The following LINGO1 variants were observed in gnomAD, a reference collection of about 807,000 sequenced individuals.
LINGO1 encodes the protein leucine-rich repeat and immunoglobulin-like domain-containing nogo receptor-interacting protein 1.
LINGO1 carries 11 observed loss-of-function variants against 37.3 expected under a neutral mutation model. The ratio of observed to expected loss-of-function variants is 0.29; its 90% CI spans 0.19 to 0.49. The LOEUF (loss-of-function observed/expected upper bound fraction) is 0.49. Among genes scored for constraint, LINGO1 ranks in the 20% least tolerant of loss-of-function variants. The pLI is 0.99. For synonymous variants in LINGO1, 387 were observed against 403.0 expected (o/e 0.96, Z 0.48); for missense variants, 585 against 878.2 (o/e 0.67, Z 4.22).
intron 3 of LINGO1, among the ~76,000 whole-genome samples, chr15:77,675,696 G>C (rs1039739906): frequency 6.6e-6 from 1 of 152,032 alleles, no homozygotes; most frequent in Non-Finnish European, 1.5e-5. Flanking sequence ...ATGGATAGAC[G>C]GATGAATAGA....
intron 1 of LINGO1, among the ~76,000 whole-genome samples, chr15:77,627,581 G>A (rs1354826456): frequency 1.3e-5 from 2 of 152,204 alleles, no homozygotes; most frequent in East Asian, 3.9e-4. Context: ...CTCTTATTAA[G>A]TGCTCAGCAA....
chr15:77,736,409 G>A (rs1031762820), intron 1 of LINGO1, among the ~76,000 whole-genome samples: 1 of 152,082 alleles, frequency 6.6e-6, no homozygotes, highest in Non-Finnish European at 1.5e-5. Context: ...CTCTTAACTC[G>A]TCTGATCCTA....
Position 77,743,129 on chromosome 15 carries a change from G to A in LINGO1, c.-256-8076C>T, listed in dbSNP as rs2076281308. On this transcript the variant is annotated intron_variant, in intron 1 of 3. Coordinates refer to the LINGO1 transcript ENST00000561686. ...GAAGGAGAGCCCTCCTGGGCTCCAT[G>A]CTGCCTTGGCTCTCCGGACTACCCC... Among the ~76,000 whole-genome samples the A allele has an allele frequency of 2.0e-5, 3 of 152,124 alleles. No individual in the cohort carries two copies. The South Asian group carries it at 6.2e-4, about 31-fold the overall frequency.
Position 77,615,211 on chromosome 15 carries a change from G to C in LINGO1, c.696C>G (p.Asp232Glu). ...LRHLNINAIR[D>E]YSFKRLYRLK... ...GTCGGTACAGCCTCTTGAAGGAGTA[G>C]TCCCGGATGGCATTGATGTTGAGGT... The change falls in exon 2 of 2, where the codon GAC (aspartate) becomes GAG (glutamate). Residue 232 changes from aspartate (D) to glutamate (E), a missense_variant. Asp to Glu is a conservative substitution (Grantham distance 45). Transcript: ENST00000355300. 6.2e-7 allele frequency: 1 copy of C among 1,613,738 alleles called. No individual in the cohort carries two copies. Among genetic ancestry groups the C allele is most frequent in the Non-Finnish European group, 8.5e-7 (1 of 1,179,804 alleles).
At chr15:77,743,051 A>G (rs993816473) in intron 1 of LINGO1, among the ~76,000 whole-genome samples, 19 of 152,220 alleles carry the variant, frequency 1.2e-4, no homozygotes, top group African/African-American at 4.3e-4. Flanking sequence ...GAAATTGAGA[A>G]GAATCTGGTG....
chr15:77,663,292 G>T (rs1332031072), intron 3 of LINGO1, among the ~76,000 whole-genome samples: 1 of 94,274 alleles, frequency 1.1e-5, no homozygotes, highest in African/African-American at 4.1e-5. Flanking sequence ...GGTCGGGGGT[G>T]GGGAGGCTTC....
intron 1 of LINGO1, among the ~76,000 whole-genome samples, chr15:77,811,584 C>T (rs1310162521): frequency 6.6e-6 from 1 of 152,222 alleles, no homozygotes; most frequent in Non-Finnish European, 1.5e-5. Flanking sequence ...TGGCCGGGGC[C>T]TCAGGGCCTT....
chr15:77,802,481 C>A (rs2076928081), intron 1 of LINGO1, among the ~76,000 whole-genome samples: 1 of 151,960 alleles, frequency 6.6e-6, no homozygotes, highest in East Asian at 1.9e-4. Context: ...TGCAGAGGGG[C>A]CAGGAGCAGG....
intron 1 of LINGO1, among the ~76,000 whole-genome samples, chr15:77,624,855 G>T (rs1567463186): frequency 6.6e-6 from 1 of 152,146 alleles, no homozygotes; most frequent in Non-Finnish European, 1.5e-5. Context: ...GGTAACCTGA[G>T]AGAGGCCCAA....
At chr15:77,707,689 G>A (rs2075869275) in intron 2 of LINGO1, among the ~76,000 whole-genome samples, 1 of 152,224 alleles carries the variant, frequency 6.6e-6, no homozygotes, top group African/African-American at 2.4e-5. Flanking sequence ...CCACCCAGCT[G>A]TGACGTTCTG....
At chr15:77,720,753 G>C (rs1201690481) in intron 2 of LINGO1, 1 of 151,882 alleles carries the variant, frequency 6.6e-6, no homozygotes, top group African/African-American at 2.4e-5. Flanking sequence ...TCTCAGAGTG[G>C]AGACCAGGCA....
At chr15:77,802,490 G>T (rs1360779634) in intron 1 of LINGO1, among the ~76,000 whole-genome samples, 5 of 152,072 alleles carry the variant, frequency 3.3e-5, no homozygotes, top group African/African-American at 9.7e-5. Flanking sequence ...GCCAGGAGCA[G>T]GTGGCAAACT....
chr15:77,770,063 C>T lies in LINGO1; in HGVS notation c.-257+16806G>A, dbSNP rs1384078204. Among the ~76,000 whole-genome samples, 3 of 152,112 alleles carry T rather than the reference C, an allele frequency of 2.0e-5. No individual in the cohort carries two copies. The South Asian group carries it at 6.2e-4, about 32-fold the overall frequency. On this transcript the variant is annotated intron_variant, in intron 1 of 3. Coordinates refer to the LINGO1 transcript ENST00000561686. ...GATGGGGGTCCCTGGGATAGAAAGA[C>T]ATAACTTGGGGCCTGAGTCCCAGGA...
At chr15:77,724,947 G>A (rs1180799593) in intron 2 of LINGO1, among the ~76,000 whole-genome samples, 1 of 152,326 alleles carries the variant, frequency 6.6e-6, no homozygotes, top group Non-Finnish European at 1.5e-5. Flanking sequence ...CCCGGCCACC[G>A]CCCCACCCCA....
At chr15:77,633,262 C>G (rs545198373), upstream of LINGO1, among the ~76,000 whole-genome samples, 7 of 146,396 alleles carry the variant, frequency 4.8e-5, no homozygotes, top group African/African-American at 1.9e-4. Context: ...GGTGTATGCG[C>G]GCACACCGTT....
chr15:77,626,011 A>G (rs2074077863), intron 1 of LINGO1, among the ~76,000 whole-genome samples: 8 of 152,174 alleles, frequency 5.3e-5, no homozygotes. Context: ...TGATGAGGAA[A>G]CTGAGGCTCT....
At chr15:77,730,462 G>A (rs1324184406) in intron 2 of LINGO1, among the ~76,000 whole-genome samples, 2 of 152,180 alleles carry the variant, frequency 1.3e-5, no homozygotes, top group Non-Finnish European at 2.9e-5. Flanking sequence ...TACCCATCTT[G>A]CCTCAGGGGC....
intron 1 of LINGO1, among the ~76,000 whole-genome samples, chr15:77,804,071 G>T (rs2076940314): frequency 6.6e-6 from 1 of 152,110 alleles, no homozygotes; most frequent in Non-Finnish European, 1.5e-5. Context: ...CCTGGGGAAT[G>T]AGTAAAGCAG....
chr15:77,734,337 T>A (rs997895692), intron 2 of LINGO1, among the ~76,000 whole-genome samples: 32 of 152,076 alleles, frequency 2.1e-4, no homozygotes, highest in African/African-American at 5.5e-4. Flanking sequence ...ATTTTTTTTT[T>A]AATTAAAATA....
Sources: gnomAD v4.1 joint callset for allele counts (sites outside exome capture counted in the v4.1 genomes callset) on GRCh38, gnomAD v4.1.1 for gene constraint, MANE v1.5 for transcripts, NCBI Gene and HGNC (gene_info 2026-07-23, HGNC 2026-07-21) for gene names.